RSPO2: variants seen among roughly 807,000 people sequenced by gnomAD.
RSPO2 encodes R-spondin 2.
RSPO2 carries 14 observed loss-of-function variants against 30.9 expected under a neutral mutation model. The ratio of observed to expected loss-of-function variants is 0.45; its 90% CI spans 0.30 to 0.71. The LOEUF is 0.71. Among genes scored for constraint, RSPO2 ranks in the 30% least tolerant of loss-of-function variants. RSPO2 has a pLI of 0.08. For missense variants in RSPO2, 264 were observed against 301.9 expected (o/e 0.87, Z 0.93); for synonymous variants, 107 against 96.4 (o/e 1.11, Z -0.64).
chr8:107,920,902 T>A (rs1198084642), intron 5 of RSPO2, among the ~76,000 whole-genome samples: 3 of 152,114 alleles, frequency 2.0e-5, no homozygotes, highest in African/African-American at 7.2e-5. Flanking sequence ...CACGTATACA[T>A]CTGGTTTAAG....
intron 2 of RSPO2, among the ~76,000 whole-genome samples, chr8:108,061,422 T>G (rs1481302366): frequency 1.3e-5 from 2 of 151,362 alleles, no homozygotes; most frequent in Non-Finnish European, 2.9e-5. Flanking sequence ...CCAACAAAGA[T>G]CAAAAGAGAC....
intron 5 of RSPO2, among the ~76,000 whole-genome samples, chr8:107,935,205 A>G (rs1812680342): frequency 6.6e-6 from 1 of 152,126 alleles, no homozygotes; most frequent in Non-Finnish European, 1.5e-5. Flanking sequence ...CCATGGGGAG[A>G]TCTTGCACTC....
intron 5 of RSPO2, among the ~76,000 whole-genome samples, chr8:107,949,800 A>G (rs2130403423): frequency 6.6e-6 from 1 of 152,332 alleles, no homozygotes; most frequent in Middle Eastern, 3.4e-3. Flanking sequence ...TGGTTACACT[A>G]AAAGCCTAAC....
At chr8:107,913,942 G>C (rs1811900376) in intron 5 of RSPO2, among the ~76,000 whole-genome samples, 1 of 152,026 alleles carries the variant, frequency 6.6e-6, no homozygotes, top group South Asian at 2.1e-4. Flanking sequence ...GTATGTTCTT[G>C]TCAGTTTTAC....
chr8:107,957,056 G>A (rs1269028093), intron 5 of RSPO2, among the ~76,000 whole-genome samples: 4 of 152,140 alleles, frequency 2.6e-5, no homozygotes, highest in East Asian at 1.9e-4. Flanking sequence ...CTCAAAGGCC[G>A]ACTGGAGTCT....
intron 2 of RSPO2, among the ~76,000 whole-genome samples, chr8:108,078,351 T>C (rs1274071768): frequency 6.6e-6 from 1 of 152,222 alleles, no homozygotes; most frequent in East Asian, 1.9e-4. Flanking sequence ...AGAACATGTT[T>C]ATGTTGCAAA....
At chr8:107,973,221 G>T (rs1383591771) in intron 3 of RSPO2, among the ~76,000 whole-genome samples, 1 of 150,428 alleles carries the variant, frequency 6.6e-6, no homozygotes, top group Admixed American at 6.6e-5. Context: ...AGTGAGCCGA[G>T]ATCACGCCAC....
chr8:107,930,139 A>T (rs1812507690), intron 5 of RSPO2, among the ~76,000 whole-genome samples: 1 of 152,186 alleles, frequency 6.6e-6, no homozygotes, highest in African/African-American at 2.4e-5. Context: ...ACATGTATTG[A>T]CTTACTTGGT....
chr8:108,050,086 G>A (rs1354082517), intron 2 of RSPO2, among the ~76,000 whole-genome samples: 2 of 152,142 alleles, frequency 1.3e-5, no homozygotes, highest in Non-Finnish European at 2.9e-5. Context: ...TCATGCAGGA[G>A]GGGTTGGGGG....
chr8:107,935,627 C>A (rs1812699249), intron 5 of RSPO2, among the ~76,000 whole-genome samples: 1 of 151,964 alleles, frequency 6.6e-6, no homozygotes, highest in Non-Finnish European at 1.5e-5. Context: ...AAAATGGTGC[C>A]CTTCATGCTT....
At chr8:107,956,189 C>T (rs2130427279) in intron 5 of RSPO2, among the ~76,000 whole-genome samples, 1 of 152,196 alleles carries the variant, frequency 6.6e-6, no homozygotes, top group African/African-American at 2.4e-5. Flanking sequence ...TTTGCCATTT[C>T]TCTCAACAAT....
At chr8:107,992,086 T>C (rs567127534) in intron 2 of RSPO2, among the ~76,000 whole-genome samples, 3 of 151,758 alleles carry the variant, frequency 2.0e-5, no homozygotes, top group Non-Finnish European at 4.4e-5. Context: ...CATACACACA[T>C]ATGTTCATTG....
intron 5 of RSPO2, among the ~76,000 whole-genome samples, chr8:107,930,826 T>C (rs1036728650): frequency 6.6e-6 from 1 of 152,186 alleles, no homozygotes; most frequent in Non-Finnish European, 1.5e-5. Context: ...TTTGCCCGAT[T>C]ACCAGACACT....
intron 5 of RSPO2, among the ~76,000 whole-genome samples, chr8:107,930,823 G>A (rs183013580): frequency 2.6e-5 from 4 of 152,222 alleles, no homozygotes; most frequent in Admixed American, 2.6e-4. Context: ...AGGTTTGCCC[G>A]ATTACCAGAC....
At chr8:107,939,755 T>C (rs913552080) in intron 5 of RSPO2, among the ~76,000 whole-genome samples, 2 of 152,048 alleles carry the variant, frequency 1.3e-5, no homozygotes, top group Non-Finnish European at 2.9e-5. Context: ...AAAAAAAACA[T>C]CTAGAATCTC....
At chr8:108,003,275 G>GTA (rs1361919160) in intron 2 of RSPO2, among the ~76,000 whole-genome samples, 74 of 65,632 alleles carry the variant, frequency 1.1e-3, no homozygotes, top group Middle Eastern at 8.3e-3. Context: ...GTGTGTGTGT[G>GTA]TGTATATATA....
At chr8:107,927,471 T>A (rs1812418449) in intron 5 of RSPO2, among the ~76,000 whole-genome samples, 1 of 152,150 alleles carries the variant, frequency 6.6e-6, no homozygotes, top group African/African-American at 2.4e-5. Context: ...CCCTGTCTTG[T>A]GCCAGTTTTC....
intron 5 of RSPO2, among the ~76,000 whole-genome samples, chr8:107,904,016 G>A (rs1010204333): frequency 8.4e-5 from 11 of 130,496 alleles, no homozygotes; most frequent in Non-Finnish European, 1.4e-4. Flanking sequence ...CTTTTTTCAC[G>A]TTCTAAGATT....
Position 107,944,980 on chromosome 8 carries a change from C to A in RSPO2, c.616+13100G>T, listed in dbSNP as rs77082339. ...TATCACTAGATAAACTAGTGATAAA[C>A]TCTAGGCCTAGAGTTTCCTTCTCTT... On this transcript the variant is annotated intron_variant, in intron 5 of 5. Transcript: ENST00000276659. Among the ~76,000 whole-genome samples the A allele has an allele frequency of 5.2e-3, 798 of 152,118 alleles. 7 individuals are homozygous for A. The highest frequency in any genetic ancestry group is 0.018 in the African/African-American group (766 of 41,486).
Sources: gnomAD v4.1 joint callset for allele counts (sites outside exome capture counted in the v4.1 genomes callset) on GRCh38, gnomAD v4.1.1 for gene constraint, MANE v1.5 for transcripts, NCBI Gene and HGNC (gene_info 2026-07-23, HGNC 2026-07-21) for gene names.